Variants in PLCB4 observed in about 807,000 individuals in gnomAD.
The protein encoded by PLCB4 is phospholipase C beta 4.
A neutral mutation model predicts 178.8 loss-of-function variants in PLCB4; 77 were observed. That is an observed-to-expected ratio of 0.43 (90% confidence interval 0.36 to 0.52). PLCB4 has a LOEUF of 0.52. Ranked by LOEUF, PLCB4 falls within the 20% of genes least tolerant of loss-of-function variation. The pLI is 0.00. For synonymous variants in PLCB4, 496 were observed against 490.8 expected (o/e 1.01, Z -0.14); for missense variants, 1,024 against 1,453.4 (o/e 0.70, Z 4.80).
At chr20:9,169,446 C>T (rs1490829966) in intron 2 of PLCB4, among the ~76,000 whole-genome samples, 2 of 151,484 alleles carry the variant, frequency 1.3e-5, no homozygotes, top group Non-Finnish European at 2.9e-5. Context: ...AAAAATTAGC[C>T]CGGCGTGGTG....
intron 3 of PLCB4, among the ~76,000 whole-genome samples, chr20:9,301,893 A>G (rs149492619): frequency 6.6e-6 from 1 of 152,300 alleles, no homozygotes; most frequent in East Asian, 1.9e-4. Flanking sequence ...CAATGCGACT[A>G]TTTAAAAGCC....
chr20:9,480,636 G>A lies in PLCB4; in HGVS notation c.*1627G>A, dbSNP rs1006342100. The A allele has an allele frequency of 1.3e-5, 2 of 152,128 alleles. No individual in the cohort carries two copies. The highest frequency in any genetic ancestry group is 2.9e-5 in the Non-Finnish European group (2 of 68,028). The allele number at this position is 152,128 out of a possible 1,614,324, so 9.4% of individuals were successfully genotyped here. A position where few individuals can be genotyped will look rare whatever the true frequency, so the allele number is the denominator to read the frequency against. On this transcript the variant is annotated 3_prime_UTR_variant, in exon 40 of 40. Coordinates refer to ENST00000378473, the MANE Select transcript of PLCB4 (RefSeq NM_001377142.1). ...AACATGCAGATTCTAGTTGACTTCA[G>A]TTGTAATAGACTTGTTTTTCTCCTA... is the stretch of plus-strand genomic sequence containing the variant.
intron 9 of PLCB4, among the ~76,000 whole-genome samples, chr20:9,369,235 G>C (rs548012621): frequency 2.6e-5 from 4 of 152,086 alleles, no homozygotes; most frequent in Non-Finnish European, 5.9e-5. Flanking sequence ...GTTATGCCAG[G>C]CATGTCCAAA....
intron 2 of PLCB4, among the ~76,000 whole-genome samples, chr20:9,137,745 G>GTTTTTTTTTTT (rs10717027): frequency 7.1e-6 from 1 of 139,994 alleles, no homozygotes; most frequent in Non-Finnish European, 1.5e-5. Context: ...TTTTTCTCAA[G>GTTTTTTTTTTT]TTTTTTTTTT....
intron 3 of PLCB4, among the ~76,000 whole-genome samples, chr20:9,265,993 C>T (rs915273610): frequency 2.6e-5 from 4 of 152,092 alleles, no homozygotes; most frequent in African/African-American, 4.8e-5. Flanking sequence ...AAAAATAGTA[C>T]TTGGAAAAAA....
intron 3 of PLCB4, among the ~76,000 whole-genome samples, chr20:9,235,437 T>C (rs1201567429): frequency 1.3e-5 from 2 of 152,220 alleles, no homozygotes; most frequent in South Asian, 2.1e-4. Flanking sequence ...AAATGTATAA[T>C]AGTGTCTGTT....
intron 39 of PLCB4, among the ~76,000 whole-genome samples, chr20:9,478,050 T>C (rs552015208): frequency 6.6e-6 from 1 of 152,248 alleles, no homozygotes; most frequent in African/African-American, 2.4e-5. Context: ...AAATGGGCAA[T>C]CATCATTCCT....
At position 9,389,964 on chromosome 20, in the gene PLCB4, A is replaced by G; in HGVS notation, c.1238+6A>G. 1 of 1,466,614 alleles carries G rather than the reference A, an allele frequency of 6.8e-7. No individual in the cohort carries two copies. The highest frequency in any genetic ancestry group is 9.5e-7 in the Non-Finnish European group (1 of 1,048,518). The allele number at this position is 1,466,614 out of a possible 1,614,324, so 90.9% of individuals were successfully genotyped here. On this transcript the variant is annotated splice_donor_region_variant and intron_variant, in intron 16 of 39. Coordinates refer to ENST00000378473, the MANE Select transcript of PLCB4 (RefSeq NM_001377142.1). Reference sequence around the variant, plus strand: ...TCCTTTGAAAATCACTGCAGGTATAATGATCCATTCTGCCACAAGTCTCTA... The same window carrying G: ...TCCTTTGAAAATCACTGCAGGTATAGTGATCCATTCTGCCACAAGTCTCTA...
chr20:9,387,518 A>T lies in PLCB4; in HGVS notation c.1120A>T (p.Thr374Ser). 6.2e-7 allele frequency: 1 copy of T among 1,600,482 alleles called. No individual in the cohort carries two copies. The highest frequency in any genetic ancestry group is 1.1e-5 in the South Asian group (1 of 89,708). The change falls in exon 15 of 40, where the codon ACT becomes TCT. Residue 374 changes from threonine (T) to serine (S), a missense_variant. By Grantham distance (58) the Thr-to-Ser change is moderately conservative. This residue lies in a region of PLCB4 where 263 missense variants were observed against 417.4 expected (regional missense o/e 0.63). Transcript: ENST00000378473. Reference protein sequence around the residue: ...GKGEDQEPIITHGKAMCTDIL... With the variant: ...GKGEDQEPIISHGKAMCTDIL... ...AGGTGAAGACCAAGAACCAATAATA[A>T]CTCATGGAAAAGCAATGTGTACAGA...
chr20:9,306,582 A>C (rs1329603718), intron 3 of PLCB4, among the ~76,000 whole-genome samples: 1 of 152,182 alleles, frequency 6.6e-6, no homozygotes, highest in African/African-American at 2.4e-5. Flanking sequence ...CTCTGAAAAA[A>C]TCAGTATGCT....
chr20:9,425,366 T>C (rs2040927129), intron 28 of PLCB4, among the ~76,000 whole-genome samples: 1 of 152,244 alleles, frequency 6.6e-6, no homozygotes, highest in Admixed American at 6.5e-5. Context: ...ATGGAAGATT[T>C]AGAAGTTTTG....
At position 9,480,249 on chromosome 20, in the gene PLCB4, C is replaced by T. The variant is rs1340001192; in HGVS notation, c.*1240C>T. ...TGCAGACAGTGCATGAAAAAGTATTCCGCTGGGAATTGAGCCATGCCACCA... is the reference window on the plus strand; with the variant it reads ...TGCAGACAGTGCATGAAAAAGTATTTCGCTGGGAATTGAGCCATGCCACCA... On this transcript the variant is annotated 3_prime_UTR_variant, in exon 40 of 40. Coordinates refer to ENST00000378473, the MANE Select transcript of PLCB4 (RefSeq NM_001377142.1). 11 of 152,530 alleles carry T rather than the reference C, an allele frequency of 7.2e-5. No individual in the cohort carries two copies. In the East Asian group the frequency reaches 1.9e-3, roughly 27 times the overall value. 9.4% of individuals were successfully genotyped at this position (152,530 alleles called of 1,614,324 possible).
At chr20:9,467,866 A>T (rs1019116349) in intron 35 of PLCB4, among the ~76,000 whole-genome samples, 3 of 152,268 alleles carry the variant, frequency 2.0e-5, no homozygotes, top group South Asian at 4.2e-4. Flanking sequence ...ATAGAAAAAA[A>T]TTTTTGTAAT....
intron 3 of PLCB4, among the ~76,000 whole-genome samples, chr20:9,222,237 G>A (rs1024086930): frequency 6.6e-6 from 1 of 151,944 alleles, no homozygotes; most frequent in East Asian, 1.9e-4. Flanking sequence ...CTACAAGTAT[G>A]CACTACCATA....
chr20:9,150,508 G>A (rs2092673753), intron 2 of PLCB4, among the ~76,000 whole-genome samples: 1 of 152,086 alleles, frequency 6.6e-6, no homozygotes, highest in South Asian at 2.1e-4. Flanking sequence ...ATTCCTTAAG[G>A]TATTCAAGGT....
intron 7 of PLCB4, among the ~76,000 whole-genome samples, chr20:9,340,202 A>T (rs2033018149): frequency 6.6e-6 from 1 of 152,164 alleles, no homozygotes; most frequent in African/African-American, 2.4e-5. Context: ...TCATTTGAGG[A>T]CACTGAGATT....
At chr20:9,348,405 A>T (rs2034019253) in intron 7 of PLCB4, among the ~76,000 whole-genome samples, 3 of 152,206 alleles carry the variant, frequency 2.0e-5, no homozygotes, top group Admixed American at 1.3e-4. Flanking sequence ...TGATACAGCT[A>T]ATCAGAAATT....
intron 2 of PLCB4, among the ~76,000 whole-genome samples, chr20:9,149,641 A>G (rs1464436422): frequency 2.6e-5 from 4 of 151,756 alleles, no homozygotes; most frequent in Non-Finnish European, 5.9e-5. Context: ...CTCTGGTGTT[A>G]GAATGTTTGC....
At chr20:9,151,315 G>A (rs556700311) in intron 2 of PLCB4, among the ~76,000 whole-genome samples, 27 of 152,158 alleles carry the variant, frequency 1.8e-4, no homozygotes, top group African/African-American at 6.5e-4. Flanking sequence ...ACCTGTGGGG[G>A]ATCCTGGAAC....
Sources: gnomAD v4.1 joint callset for allele counts (sites outside exome capture counted in the v4.1 genomes callset) on GRCh38, gnomAD v4.1.1 for gene constraint, gnomAD v4.1.1 regional missense constraint, MANE v1.5 for transcripts, NCBI Gene and HGNC (gene_info 2026-07-23, HGNC 2026-07-21) for gene names.